The following ADCY7 variants were observed in gnomAD, a reference collection of about 807,000 sequenced individuals.
ADCY7 encodes the protein adenylate cyclase type 7.
In ADCY7, 72 loss-of-function variants were observed where a neutral mutation model predicts 120.6. The ratio of observed to expected loss-of-function variants is 0.60; its 90% CI spans 0.49 to 0.73. The LOEUF (loss-of-function observed/expected upper bound fraction) is 0.73. Among genes scored for constraint, ADCY7 ranks in the 30% least tolerant of loss-of-function variants. ADCY7 has a pLI of 0.00. For synonymous variants in ADCY7, 661 were observed against 628.0 expected (o/e 1.05, Z -0.78); for missense variants, 1,227 against 1,486.0 (o/e 0.83, Z 2.87).
Position 50,291,897 on chromosome 16 carries a change from G to C in ADCY7, c.537G>C (p.Gln179His). 1 of 1,607,650 alleles carries C rather than the reference G, an allele frequency of 6.2e-7. No homozygotes were observed. The highest frequency in any genetic ancestry group is 8.5e-7 in the Non-Finnish European group (1 of 1,176,494). The change falls in exon 4 of 26, where the codon CAG becomes CAC. Residue 179 changes from glutamine to histidine, a missense_variant and splice_region_variant. Gln to His is a conservative substitution (Grantham distance 24). Transcript: ENST00000673801. Reference protein sequence around the residue: ...FTTPSVRVGLQLLANAVIFLC... With the variant: ...FTTPSVRVGLHLLANAVIFLC... ...CACCCAGTGTCCGGGTGGGGCTGCA[G>C]GTGAGGGATGGGCTAAGGCCTCTGG...
chr16:50,268,728 G>A lies in ADCY7; in HGVS notation c.-269+2048G>A, dbSNP rs143168031. Among the ~76,000 whole-genome samples the A allele has an allele frequency of 7.9e-3, 1,202 of 152,168 alleles. 3 individuals are homozygous for A. Among genetic ancestry groups the A allele is most frequent in the Non-Finnish European group, 0.013 (860 of 67,996 alleles). On this transcript the variant is annotated intron_variant, in intron 1 of 25. Coordinates refer to ENST00000673801, the MANE Select transcript of ADCY7 (RefSeq NM_001114.5). The stretch of plus-strand genomic sequence containing the variant: ...AGGGAGAGCTCAGGAAGTAGAAATT[G>A]GGCTGGAGTGTGGCCTCTGGACAGG...
intron 17 of ADCY7, chr16:50,309,153 C>T (rs368184503): frequency 9.6e-6 from 3 of 312,876 alleles, no homozygotes; most frequent in African/African-American, 4.3e-5. Flanking sequence ...AAGCAGCCTG[C>T]GGGACACTTG....
At chr16:50,292,498 G>A (rs2035051241) in intron 4 of ADCY7, 178 bp from the exon 5 acceptor site, 1 of 713,268 alleles carries the variant, frequency 1.4e-6, no homozygotes, top group Admixed American at 2.9e-5. Flanking sequence ...GACTCACTAG[G>A]AGACTAGCTC....
chr16:50,272,183 T>A (rs1353815717), intron 1 of ADCY7, among the ~76,000 whole-genome samples: 2 of 152,042 alleles, frequency 1.3e-5, no homozygotes, highest in Admixed American at 6.5e-5. Context: ...GCCTGTACCC[T>A]GGGGAGGAGC....
intron 8 of ADCY7, among the ~76,000 whole-genome samples, chr16:50,299,739 G>T (rs1337621131): frequency 6.6e-6 from 1 of 152,222 alleles, no homozygotes; most frequent in Non-Finnish European, 1.5e-5. Context: ...GTGACCTCAG[G>T]CTGGCCCCTG....
chr16:50,315,317 T>A, intron 25 of ADCY7, 42 bp from the exon 26 acceptor site: 1 of 1,591,042 alleles, frequency 6.3e-7, no homozygotes, highest in Non-Finnish European at 8.6e-7. Flanking sequence ...TGACAGGTGT[T>A]CTTCCCGCCT....
chr16:50,272,291 T>C (rs2033623592), intron 1 of ADCY7, among the ~76,000 whole-genome samples: 1 of 151,912 alleles, frequency 6.6e-6, no homozygotes, highest in South Asian at 2.1e-4. Flanking sequence ...CAGGGCACCC[T>C]GATCGGGGTG....
chr16:50,309,722 C>A, intron 18 of ADCY7, 76 bp downstream of exon 18: 3 of 1,314,590 alleles, frequency 2.3e-6, no homozygotes, highest in Non-Finnish European at 3.1e-6. Context: ...TTTGGACCCT[C>A]AAAGCATGGG....
intron 1 of ADCY7, among the ~76,000 whole-genome samples, chr16:50,249,593 C>A (rs2032693189): frequency 6.6e-6 from 1 of 152,238 alleles, no homozygotes; most frequent in Non-Finnish European, 1.5e-5. Flanking sequence ...GCCTTTTGGA[C>A]CTGGACATTT....
intron 1 of ADCY7, among the ~76,000 whole-genome samples, chr16:50,280,890 G>A (rs1252255656): frequency 6.6e-6 from 1 of 152,194 alleles, no homozygotes; most frequent in East Asian, 1.9e-4. Context: ...AGCTGGGACT[G>A]GAATGCAGGT....
At chr16:50,275,006 C>T (rs2033795335) in intron 1 of ADCY7, among the ~76,000 whole-genome samples, 1 of 152,180 alleles carries the variant, frequency 6.6e-6, no homozygotes, top group Non-Finnish European at 1.5e-5. Flanking sequence ...GTGGGCCACT[C>T]CTCTGCATTC....
At chr16:50,294,572 G>C (rs8061123) in intron 6 of ADCY7, 68 bp from the exon 7 acceptor site, 225,278 of 1,059,564 alleles carry the variant, frequency 0.21, 27,800 homozygotes, top group Middle Eastern at 0.25. Flanking sequence ...AGACAGTCCT[G>C]CGTGCTCCTG....
chr16:50,262,378 C>T (rs1391210819), upstream of ADCY7, among the ~76,000 whole-genome samples: 1 of 152,034 alleles, frequency 6.6e-6, no homozygotes, highest in Non-Finnish European at 1.5e-5. Flanking sequence ...CCACCTCAGC[C>T]TCCCGAGTAG....
At position 50,279,429 on chromosome 16, in the gene ADCY7, G is replaced by A. The variant is rs558008690; in HGVS notation, c.-268-8483G>A. 3.3e-5 allele frequency: 5 copies of A among 152,328 alleles called. No homozygotes were observed. In the South Asian group the frequency reaches 1.0e-3, roughly 32 times the overall value. The allele number at this position is 152,328 out of a possible 1,614,324, so 9.4% of individuals were successfully genotyped here. A position where few individuals can be genotyped will look rare whatever the true frequency, so the allele number is the denominator to read the frequency against. ...CCTTCTGAAGGGGGAAGCTAGTGAG[G>A]GCAGTGCTTAAAGAAATGAATCACT... On this transcript the variant is annotated intron_variant, in intron 1 of 25. Coordinates refer to ENST00000673801, the MANE Select transcript of ADCY7 (RefSeq NM_001114.5).
chr16:50,288,184 C>T lies in ADCY7; in HGVS notation c.5C>T (p.Pro2Leu). ...CACGCGTGCCAAGGGTGGAGGATGC[C>T]AGCCAAGGGGCGCTACTTCCTCAAC... M[P>L]AKGRYFLNEG... The change falls in exon 2 of 26, where the codon CCA becomes CTA. Residue 2 changes from proline to leucine, a missense_variant. Coordinates refer to ENST00000673801, the MANE Select transcript of ADCY7 (RefSeq NM_001114.5). 1.9e-6 allele frequency: 3 copies of T among 1,548,046 alleles called. No individual in the cohort carries two copies. The highest frequency in any genetic ancestry group is 2.6e-6 in the Non-Finnish European group (3 of 1,145,062).
chr16:50,305,641 C>T, intron 13 of ADCY7, 55 bp downstream of exon 13: 9 of 1,529,510 alleles, frequency 5.9e-6, no homozygotes, highest in Non-Finnish European at 8.1e-6. Flanking sequence ...GGATAGGGGT[C>T]CCCTATATGG....
At chr16:50,257,545 C>T (rs1257075732) in intron 1 of ADCY7, among the ~76,000 whole-genome samples, 3 of 151,944 alleles carry the variant, frequency 2.0e-5, no homozygotes, top group Non-Finnish European at 4.4e-5. Flanking sequence ...ATATATGTAA[C>T]GTCACCTTGT....
chr16:50,282,715 T>TA (rs1185878260), intron 1 of ADCY7, among the ~76,000 whole-genome samples: 61 of 88,892 alleles, frequency 6.9e-4, no homozygotes, highest in Non-Finnish European at 1.3e-3. Flanking sequence ...AATCCCAGCT[T>TA]TTTTTTTTTT....
intron 10 of ADCY7, 114 bp downstream of exon 10, chr16:50,301,328 G>T: frequency 7.2e-7 from 1 of 1,381,168 alleles, no homozygotes; most frequent in Non-Finnish European, 9.7e-7. Flanking sequence ...GGTGGGGAAG[G>T]GCCCTGCCTG....
Sources: gnomAD v4.1 joint callset for allele counts (sites outside exome capture counted in the v4.1 genomes callset) on GRCh38, gnomAD v4.1.1 for gene constraint, MANE v1.5 for transcripts, NCBI Gene and HGNC (gene_info 2026-07-23, HGNC 2026-07-21) for gene names.